HPSE2: variants seen among roughly 807,000 people sequenced by gnomAD.
HPSE2 encodes heparanase 2 (inactive), also known as inactive heparanase-2.
In HPSE2, 38 loss-of-function variants were observed where a neutral mutation model predicts 60.5. The observed-to-expected ratio is 0.63, with a 90% CI of 0.48 to 0.82. The LOEUF is 0.82. Among genes scored for constraint, HPSE2 ranks in the 40% least tolerant of loss-of-function variants. The pLI, the probability that HPSE2 is intolerant of heterozygous loss-of-function variation, is 0.00. For missense variants in HPSE2, 713 were observed against 740.4 expected (o/e 0.96, Z 0.43); for synonymous variants, 295 against 293.2 (o/e 1.01, Z -0.06).
intron 2 of HPSE2, among the ~76,000 whole-genome samples, chr10:99,228,628 G>T (rs1165544248): frequency 6.6e-6 from 1 of 152,132 alleles, no homozygotes; most frequent in African/African-American, 2.4e-5. Context: ...TGGGTATAAA[G>T]AACAACTCTA....
chr10:98,774,250 C>G (rs1016277116), intron 3 of HPSE2, among the ~76,000 whole-genome samples: 4 of 151,946 alleles, frequency 2.6e-5, no homozygotes, highest in Non-Finnish European at 5.9e-5. Context: ...AGTATTAGTG[C>G]TCTGATCATC....
chr10:98,722,520 T>G (rs905170159), intron 4 of HPSE2, among the ~76,000 whole-genome samples: 1 of 152,136 alleles, frequency 6.6e-6, no homozygotes, highest in African/African-American at 2.4e-5. Context: ...TAATTTGTTA[T>G]GGCAAGCGTA....
intron 3 of HPSE2, among the ~76,000 whole-genome samples, chr10:98,990,240 T>C (rs1371142190): frequency 6.6e-6 from 1 of 152,160 alleles, no homozygotes; most frequent in African/African-American, 2.4e-5. Context: ...CTCTGTGCAG[T>C]CAAACTTCTC....
intron 3 of HPSE2, among the ~76,000 whole-genome samples, chr10:99,107,323 C>A (rs1844287191): frequency 6.6e-6 from 1 of 152,168 alleles, no homozygotes; most frequent in Non-Finnish European, 1.5e-5. Context: ...GAAAGATTAA[C>A]CAACCATACT....
rs1940167793 is a variant in HPSE2 at position 98,459,082 on chromosome 10, C to T, written c.*492G>A. 4.6e-6 allele frequency: 1 copy of T among 218,568 alleles called. No individual in the cohort carries two copies. The highest frequency in any genetic ancestry group is 5.2e-5 in the Admixed American group (1 of 19,384). 13.5% of individuals were successfully genotyped at this position (218,568 alleles called of 1,614,324 possible). On this transcript the variant is annotated 3_prime_UTR_variant, in exon 12 of 12. Transcript: ENST00000370552. ...ATGGAAAGAGATGTGTCAAAAAACT[C>T]AGGGCAGCAGCAAGAAAGAGGCAGA... is the stretch of plus-strand genomic sequence containing the variant.
chr10:98,856,608 CAAAAAAAAATCTTTCAGA>C (rs371558388), intron 3 of HPSE2, among the ~76,000 whole-genome samples: 4 of 150,252 alleles, frequency 2.7e-5, no homozygotes, highest in Admixed American at 6.6e-5. Flanking sequence ...ATTTCATAAG[CAAAAAAAAATCTTTCAGA>C]ATATGAATAA....
At chr10:98,698,474 G>C (rs1187319952) in intron 5 of HPSE2, among the ~76,000 whole-genome samples, 2 of 151,886 alleles carry the variant, frequency 1.3e-5, no homozygotes, top group Non-Finnish European at 2.9e-5. Flanking sequence ...CAGAATCTCT[G>C]GGACACATTC....
chr10:98,834,947 T>C (rs572943185), intron 3 of HPSE2, among the ~76,000 whole-genome samples: 1 of 152,280 alleles, frequency 6.6e-6, no homozygotes, highest in East Asian at 1.9e-4. Context: ...TAGTTTATAT[T>C]GTTATTTTAA....
At chr10:99,067,733 T>G (rs1391282707) in intron 3 of HPSE2, among the ~76,000 whole-genome samples, 1 of 152,232 alleles carries the variant, frequency 6.6e-6, no homozygotes, top group Non-Finnish European at 1.5e-5. Context: ...TGGGAGGGGC[T>G]GCTGTGAAGG....
intron 9 of HPSE2, among the ~76,000 whole-genome samples, chr10:98,545,115 A>C (rs189745687): frequency 2.6e-5 from 4 of 152,226 alleles, no homozygotes; most frequent in Non-Finnish European, 5.9e-5. Context: ...AAGAAGTTGA[A>C]TCTCTGAATA....
chr10:99,198,098 G>A (rs183065903), intron 2 of HPSE2, among the ~76,000 whole-genome samples: 1 of 151,646 alleles, frequency 6.6e-6, no homozygotes, highest in East Asian at 1.9e-4. Context: ...TTTTTCCAAG[G>A]CCACAGTAAT....
the HPSE2 span, among the ~76,000 whole-genome samples, chr10:99,309,994 C>T: frequency 6.6e-6 from 1 of 152,246 alleles, no homozygotes; most frequent in African/African-American, 2.4e-5. Context: ...GTGGACCACA[C>T]TCCCTCCAAA....
chr10:99,242,777 C>T, the HPSE2 span, among the ~76,000 whole-genome samples: 1 of 152,180 alleles, frequency 6.6e-6, no homozygotes, highest in Middle Eastern at 3.4e-3. Context: ...TTGCTGAGTC[C>T]CAATTTCCCC....
intron 3 of HPSE2, among the ~76,000 whole-genome samples, chr10:99,119,945 C>T (rs11189980): frequency 0.49 from 74,888 of 152,000 alleles, 20,919 homozygotes; most frequent in East Asian, 0.65. Flanking sequence ...AAAAATCAAC[C>T]AAGATGAATT....
chr10:98,668,187 C>T (rs1337984147), intron 6 of HPSE2, among the ~76,000 whole-genome samples: 3 of 151,870 alleles, frequency 2.0e-5, no homozygotes, highest in African/African-American at 7.3e-5. Flanking sequence ...AAAATAAATA[C>T]CTAGGAATAT....
At chr10:99,313,443 T>C in the HPSE2 span, among the ~76,000 whole-genome samples, 1 of 152,242 alleles carries the variant, frequency 6.6e-6, no homozygotes, top group South Asian at 2.1e-4. Context: ...GAGTTGCTTC[T>C]AATGGATAAG....
chr10:99,049,194 A>G (rs1351355629), intron 3 of HPSE2, among the ~76,000 whole-genome samples: 1 of 152,192 alleles, frequency 6.6e-6, no homozygotes, highest in Non-Finnish European at 1.5e-5. Flanking sequence ...CCCTATATCT[A>G]AAGTAAAAGT....
chr10:98,729,909 C>G (rs946835584), intron 4 of HPSE2, among the ~76,000 whole-genome samples: 3 of 151,976 alleles, frequency 2.0e-5, no homozygotes, highest in Admixed American at 6.6e-5. Flanking sequence ...GAGACTTCAA[C>G]ACTACATTCT....
At chr10:98,622,683 G>A (rs879347777) in intron 7 of HPSE2, among the ~76,000 whole-genome samples, 5 of 152,158 alleles carry the variant, frequency 3.3e-5, no homozygotes, top group African/African-American at 4.8e-5. Flanking sequence ...AGATTAAAGT[G>A]AGTATTATGA....
Sources: allele counts gnomAD v4.1 joint callset (sites outside exome capture counted in the v4.1 genomes callset), GRCh38; gene constraint gnomAD v4.1.1; transcripts MANE v1.5; gene names NCBI Gene and HGNC (gene_info 2026-07-23, HGNC 2026-07-21).